The following CEP89 variants were observed in gnomAD, a reference collection of about 807,000 sequenced individuals.
CEP89 encodes centrosomal protein of 89 kDa.
CEP89 carries 95 observed loss-of-function variants against 97.6 expected under a neutral mutation model. The observed-to-expected ratio is 0.97, with a 90% CI of 0.82 to 1.15. CEP89 has a LOEUF of 1.15. Ranked by LOEUF, CEP89 falls within the 50% of genes most tolerant of loss-of-function variation. CEP89 has a pLI of 0.00. For synonymous variants in CEP89, 354 were observed against 349.1 expected (o/e 1.01, Z -0.16); for missense variants, 869 against 947.7 (o/e 0.92, Z 1.09).
chr19:32,894,187 G>T (rs1289403183), intron 16 of CEP89, among the ~76,000 whole-genome samples: 1 of 152,058 alleles, frequency 6.6e-6, no homozygotes, highest in Non-Finnish European at 1.5e-5. Flanking sequence ...TAGAGAAAAT[G>T]GATACATTTC....
chr19:32,912,936 G>A (rs1453029983), intron 14 of CEP89, among the ~76,000 whole-genome samples: 3 of 151,574 alleles, frequency 2.0e-5, no homozygotes, highest in African/African-American at 7.3e-5. Flanking sequence ...CAGCTACTCG[G>A]GAGGCTGAGG....
At chr19:32,960,626 G>A (rs572101567) in intron 2 of CEP89, among the ~76,000 whole-genome samples, 37 of 152,068 alleles carry the variant, frequency 2.4e-4, no homozygotes, top group Non-Finnish European at 3.8e-4. Flanking sequence ...TGGCTAACAC[G>A]GTGAAACCTC....
chr19:32,885,001 T>A (rs932416131), intron 17 of CEP89, among the ~76,000 whole-genome samples: 3 of 152,210 alleles, frequency 2.0e-5, no homozygotes, highest in Non-Finnish European at 4.4e-5. Flanking sequence ...CATTAGCTCA[T>A]GACAACGTTT....
intron 16 of CEP89, among the ~76,000 whole-genome samples, chr19:32,890,882 C>T (rs533796147): frequency 2.0e-5 from 3 of 152,112 alleles, no homozygotes; most frequent in Non-Finnish European, 2.9e-5. Context: ...GAGTCCAGCC[C>T]CCACCAGACT....
intron 16 of CEP89, among the ~76,000 whole-genome samples, chr19:32,898,338 T>C (rs1253632114): frequency 6.6e-6 from 1 of 151,548 alleles, no homozygotes; most frequent in Non-Finnish European, 1.5e-5. Flanking sequence ...GTTGACCTCA[T>C]GGAGGTGGAG....
intron 14 of CEP89, among the ~76,000 whole-genome samples, chr19:32,904,105 A>G (rs1358302252): frequency 6.6e-6 from 1 of 152,256 alleles, no homozygotes; most frequent in Non-Finnish European, 1.5e-5. Context: ...GGCTGGAGCA[A>G]GCAGTGATTG....
intron 9 of CEP89, among the ~76,000 whole-genome samples, chr19:32,929,413 C>T (rs556947963): frequency 6.6e-6 from 1 of 151,944 alleles, no homozygotes; most frequent in African/African-American, 2.4e-5. Flanking sequence ...ACCAACCTGG[C>T]CAACATGGTG....
chr19:32,936,290 C>T lies in CEP89; in HGVS notation c.667+1341G>A, dbSNP rs115399551. The stretch of plus-strand genomic sequence containing the variant: ...ACGACAGCGCCCTGCCGCCTCAGCC[C>T]CCTCCAGACTTTGGGCACCCATGAG... On this transcript the variant is annotated intron_variant, in intron 7 of 18. Coordinates refer to ENST00000305768, the MANE Select transcript of CEP89 (RefSeq NM_032816.5). This position sits in a 1 kb window ranked among gnomAD's most constrained non-coding sequence, Gnocchi z 4.5. Among the ~76,000 whole-genome samples the T allele has an allele frequency of 0.011, 1,674 of 152,260 alleles. 29 individuals are homozygous for T. Among genetic ancestry groups the T allele is most frequent in the African/African-American group, 0.035 (1,451 of 41,560 alleles).
chr19:32,911,389 G>A (rs1482381860), intron 14 of CEP89, among the ~76,000 whole-genome samples: 1 of 152,248 alleles, frequency 6.6e-6, no homozygotes, highest in Admixed American at 6.5e-5. Flanking sequence ...ACACATGGTG[G>A]CTCATGCCTG....
intron 5 of CEP89, among the ~76,000 whole-genome samples, chr19:32,940,267 G>A (rs959488873): frequency 1.6e-5 from 2 of 128,252 alleles, no homozygotes; most frequent in Non-Finnish European, 3.3e-5. Context: ...TCCCCATCAC[G>A]CTCTATACAT....
chr19:32,940,765 C>CT (rs71338602), intron 5 of CEP89, among the ~76,000 whole-genome samples: 6,168 of 143,362 alleles, frequency 0.043, 176 homozygotes, highest in Middle Eastern at 0.081. Context: ...CATCGAGTTG[C>CT]TTTTTTTTTT....
intron 18 of CEP89, 57 bp from the exon 19 acceptor site, chr19:32,879,435 A>G: frequency 7.1e-7 from 1 of 1,400,448 alleles, no homozygotes; most frequent in Non-Finnish European, 1.0e-6. Context: ...AGCCCATATG[A>G]ATCCCAAAGT....
chr19:32,880,393 A>G (rs1969256935), intron 18 of CEP89, among the ~76,000 whole-genome samples: 1 of 152,152 alleles, frequency 6.6e-6, no homozygotes, highest in Non-Finnish European at 1.5e-5. Context: ...CCTGATGCCC[A>G]CTGTGTGGTA....
intron 6 of CEP89, among the ~76,000 whole-genome samples, chr19:32,938,729 C>T (rs1017149883): frequency 2.0e-5 from 3 of 152,054 alleles, no homozygotes; most frequent in Non-Finnish European, 2.9e-5. Context: ...CAGGTGGGAT[C>T]GCCTGAGGTC....
At chr19:32,933,761 G>A (rs1970525760) in intron 7 of CEP89, 92 bp from the exon 8 acceptor site, 2 of 831,970 alleles carry the variant, frequency 2.4e-6, no homozygotes, top group Non-Finnish European at 4.0e-6. Context: ...AACCACATCA[G>A]GCCTGGTGCC....
intron 4 of CEP89, among the ~76,000 whole-genome samples, chr19:32,951,514 TATATATATATA>T (rs1970911129): frequency 1.5e-4 from 3 of 20,280 alleles, no homozygotes; most frequent in Non-Finnish European, 3.0e-4. Context: ...CAAAAAATTA[TATATATATATA>T]TATATATATA....
chr19:32,908,100 T>C (rs1969925969), intron 14 of CEP89, among the ~76,000 whole-genome samples: 1 of 152,228 alleles, frequency 6.6e-6, no homozygotes, highest in African/African-American at 2.4e-5. Flanking sequence ...CACTCTGTGA[T>C]ACCCACACAA....
At position 32,959,963 on chromosome 19, in the gene CEP89, A is replaced by G; in HGVS notation, c.242T>C (p.Val81Ala). ...PRQRSRSESD[V>A]SSVEQDSFIE... ...GAAGCTGTCCTGTTCAACACTGCTC[A>G]CATCACTCTCAGACCGGGACCTCTG... The change falls in exon 3 of 19, where the codon GTG becomes GCG. Residue 81 changes from valine to alanine, a missense_variant. Transcript: ENST00000305768. The G allele has an allele frequency of 3.1e-6, 5 of 1,614,198 alleles. No individual in the cohort carries two copies. The highest frequency in any genetic ancestry group is 4.2e-6 in the Non-Finnish European group (5 of 1,180,028).
chr19:32,943,186 G>A (rs1391754842), intron 5 of CEP89, among the ~76,000 whole-genome samples: 1 of 152,134 alleles, frequency 6.6e-6, no homozygotes, highest in Non-Finnish European at 1.5e-5. Context: ...TTGTAGAAAC[G>A]GGGTCTCCCT....
Sources: gnomAD v4.1 joint callset for allele counts (sites outside exome capture counted in the v4.1 genomes callset) on GRCh38, gnomAD v4.1.1 for gene constraint, Gnocchi (gnomAD v3.1) non-coding constraint, MANE v1.5 for transcripts, NCBI Gene and HGNC (gene_info 2026-07-23, HGNC 2026-07-21) for gene names.